The following XKR6 variants were observed in gnomAD, a reference collection of about 807,000 sequenced individuals.
The protein encoded by XKR6 is XK related 6.
In XKR6, 22 loss-of-function variants were observed where a neutral mutation model predicts 56.7. The observed-to-expected ratio is 0.39, with a 90% CI of 0.28 to 0.55. The LOEUF (loss-of-function observed/expected upper bound fraction) is 0.55, where lower values mean the gene tolerates loss of function less well. Ranked by LOEUF, XKR6 falls within the 20% of genes least tolerant of loss-of-function variation. The pLI, the probability that XKR6 is intolerant of heterozygous loss-of-function variation, is 0.66. For synonymous variants in XKR6, 524 were observed against 387.8 expected (o/e 1.35, Z -4.13); for missense variants, 852 against 889.0 (o/e 0.96, Z 0.53).
intron 1 of XKR6, among the ~76,000 whole-genome samples, chr8:10,949,667 G>A (rs546179136): frequency 6.6e-6 from 1 of 152,332 alleles, no homozygotes; most frequent in East Asian, 1.9e-4. Flanking sequence ...TTTTATAATG[G>A]GAAAACAGGC....
chr8:11,157,308 A>G lies in XKR6; in HGVS notation c.764+43268T>C, dbSNP rs539613925. Among the ~76,000 whole-genome samples the G allele has an allele frequency of 8.5e-5, 13 of 152,310 alleles. No individual in the cohort carries two copies. The South Asian group carries it at 1.2e-3, about 15-fold the overall frequency. On this transcript the variant is annotated intron_variant, in intron 1 of 2. Coordinates refer to ENST00000416569, the MANE Select transcript of XKR6 (RefSeq NM_173683.4). The stretch of plus-strand genomic sequence containing the variant: ...AAATGGAAAAACTGCAGAAATCCAA[A>G]TAAAGCCTGGGGTATAATACTAACA...
chr8:10,912,870 G>C (rs1341169948), intron 2 of XKR6, among the ~76,000 whole-genome samples: 2 of 71,814 alleles, frequency 2.8e-5, no homozygotes, highest in African/African-American at 1.5e-4. Flanking sequence ...TGTATAGATA[G>C]AGAGAAAGAG....
intron 1 of XKR6, among the ~76,000 whole-genome samples, chr8:11,022,196 G>A (rs1798763388): frequency 6.6e-6 from 1 of 150,890 alleles, no homozygotes; most frequent in African/African-American, 2.4e-5. Flanking sequence ...ATGTAACTAT[G>A]GCACAAAACA....
At chr8:11,193,605 GAATT>G (rs2117139222) in intron 1 of XKR6, among the ~76,000 whole-genome samples, 1 of 151,982 alleles carries the variant, frequency 6.6e-6, no homozygotes, top group South Asian at 2.1e-4. Flanking sequence ...TCACTTAACA[GAATT>G]ATTTCCTAAA....
At chr8:10,905,906 C>A (rs193099462) in intron 2 of XKR6, among the ~76,000 whole-genome samples, 178 of 152,286 alleles carry the variant, frequency 1.2e-3, no homozygotes, top group African/African-American at 4.2e-3. Flanking sequence ...CCCACTGTCT[C>A]CCGTCCTCGC....
At chr8:11,162,997 A>G (rs1463981804) in intron 1 of XKR6, among the ~76,000 whole-genome samples, 1 of 152,242 alleles carries the variant, frequency 6.6e-6, no homozygotes, top group Non-Finnish European at 1.5e-5. Context: ...CAGAAAAAGA[A>G]AACAGCTCTT....
At chr8:11,069,871 C>T (rs1800073329) in intron 1 of XKR6, among the ~76,000 whole-genome samples, 1 of 152,128 alleles carries the variant, frequency 6.6e-6, no homozygotes, top group Admixed American at 6.5e-5. Context: ...AGGAAAACAT[C>T]AGAGAAAAAC....
At chr8:10,999,416 AC>A (rs1661539761) in intron 1 of XKR6, among the ~76,000 whole-genome samples, 1 of 152,374 alleles carries the variant, frequency 6.6e-6, no homozygotes, top group Non-Finnish European at 1.5e-5. Context: ...TGAAAATGCT[AC>A]AATAAAATGA....
intron 1 of XKR6, among the ~76,000 whole-genome samples, chr8:10,999,500 T>C (rs1235322016): frequency 1.3e-5 from 2 of 152,254 alleles, no homozygotes; most frequent in African/African-American, 4.8e-5. Flanking sequence ...TATACTTCTT[T>C]ATCTTCAGAA....
At chr8:11,094,943 C>T (rs572541570) in intron 1 of XKR6, among the ~76,000 whole-genome samples, 22 of 152,276 alleles carry the variant, frequency 1.4e-4, no homozygotes, top group African/African-American at 5.1e-4. Context: ...GAGCTTAATA[C>T]CTGGGTGATG....
At chr8:11,048,250 A>T (rs1799458407) in intron 1 of XKR6, among the ~76,000 whole-genome samples, 1 of 152,026 alleles carries the variant, frequency 6.6e-6, no homozygotes, top group South Asian at 2.1e-4. Flanking sequence ...CAGCAAGGGG[A>T]ATCCGGCCCT....
chr8:11,108,209 C>A, intron 1 of XKR6: 1 of 446,986 alleles, frequency 2.2e-6, no homozygotes, highest in Non-Finnish European at 4.5e-6. Context: ...ACAAATTAAC[C>A]AAATTCAGAA....
intron 1 of XKR6, among the ~76,000 whole-genome samples, chr8:11,023,387 C>G (rs898821930): frequency 1.1e-4 from 16 of 152,190 alleles, no homozygotes; most frequent in Admixed American, 1.0e-3. Context: ...CTAACCTCAG[C>G]CTTCTGAGTA....
At chr8:11,131,385 T>C (rs893862529) in intron 1 of XKR6, among the ~76,000 whole-genome samples, 1 of 152,178 alleles carries the variant, frequency 6.6e-6, no homozygotes, top group Non-Finnish European at 1.5e-5. Context: ...AAAGAGTAAT[T>C]AACATAGAAG....
intron 1 of XKR6, among the ~76,000 whole-genome samples, chr8:10,974,185 T>C (rs752506075): frequency 2.5e-4 from 38 of 152,330 alleles, no homozygotes; most frequent in Non-Finnish European, 5.3e-4. Context: ...CTTGCTGGGC[T>C]CAGGAGATGC....
intron 2 of XKR6, among the ~76,000 whole-genome samples, chr8:10,913,990 G>A (rs1464534653): frequency 1.3e-5 from 2 of 152,194 alleles, no homozygotes; most frequent in Non-Finnish European, 1.5e-5. Context: ...ATGCAGTCAG[G>A]ACTCTCCTTT....
chr8:11,150,930 T>G (rs1174458426), intron 1 of XKR6, among the ~76,000 whole-genome samples: 3 of 151,674 alleles, frequency 2.0e-5, no homozygotes, highest in Non-Finnish European at 4.4e-5. Context: ...TTCTATCTCC[T>G]CAAACCATAA....
At position 11,173,343 on chromosome 8, in the gene XKR6, T is replaced by TAA. The variant is rs200300227; in HGVS notation, c.764+27231_764+27232dup. On this transcript the variant is annotated intron_variant, in intron 1 of 2. Coordinates refer to ENST00000416569, the MANE Select transcript of XKR6 (RefSeq NM_173683.4). ...TGGGCAACAAAGCGAGACTCCGCCT[T>TAA]AAAAAAAATATATATATATATATAC... Among the ~76,000 whole-genome samples the TAA allele has an allele frequency of 3.1e-3, 431 of 138,048 alleles. 2 individuals carry two copies. The highest frequency in any genetic ancestry group is 0.017 in the South Asian group (74 of 4,260). The allele number at this position is 138,048 out of a possible 152,430, so 90.6% of individuals were successfully genotyped here.
At chr8:11,137,646 G>C (rs1385988983) in intron 1 of XKR6, 1 of 456,158 alleles carries the variant, frequency 2.2e-6, no homozygotes, top group African/African-American at 2.0e-5. Context: ...GAAACACCAT[G>C]CCATGGTGTG....
Sources: gnomAD v4.1 joint callset for allele counts (sites outside exome capture counted in the v4.1 genomes callset) on GRCh38, gnomAD v4.1.1 for gene constraint, MANE v1.5 for transcripts, NCBI Gene and HGNC (gene_info 2026-07-23, HGNC 2026-07-21) for gene names.